Variants in NPSR1 observed in about 807,000 individuals in gnomAD.
The protein encoded by NPSR1 is neuropeptide S receptor 1.
NPSR1 carries 48 observed loss-of-function variants against 46.9 expected under a neutral mutation model. That is an observed-to-expected ratio of 1.02 (90% CI 0.81 to 1.30). The LOEUF (loss-of-function observed/expected upper bound fraction) is 1.30. NPSR1 is among the 50% of genes most tolerant of loss of function. The pLI is 0.00. For missense variants in NPSR1, 450 were observed against 449.5 expected (o/e 1.00, Z -0.01); for synonymous variants, 176 against 168.1 (o/e 1.05, Z -0.36).
intron 8 of NPSR1, among the ~76,000 whole-genome samples, chr7:34,875,614 T>C (rs539352343): frequency 3.6e-3 from 542 of 152,294 alleles, no homozygotes; most frequent in African/African-American, 0.012. Context: ...CGAGCCCCAG[T>C]GCCTCCTGGA....
At chr7:34,792,711 A>ATG (rs1441882811) in intron 3 of NPSR1, among the ~76,000 whole-genome samples, 2 of 126,052 alleles carry the variant, frequency 1.6e-5, no homozygotes, top group Admixed American at 8.8e-5. Context: ...GTATATATAT[A>ATG]TATTTATATA....
chr7:34,863,180 G>A (rs879294223), intron 8 of NPSR1, among the ~76,000 whole-genome samples: 8 of 151,818 alleles, frequency 5.3e-5, no homozygotes, highest in Non-Finnish European at 1.0e-4. Flanking sequence ...CTAGCCATAT[G>A]CAGAAAACTG....
rs186691301 is a variant in NPSR1 at position 34,683,494 on chromosome 7, T to C, written c.148-1058T>C. ...AGAAGGACTGTCAGATTCATAGCATTCTCGCTTTTTTCTTTTTTACTAATT... is the reference window on the plus strand; with the variant it reads ...AGAAGGACTGTCAGATTCATAGCATCCTCGCTTTTTTCTTTTTTACTAATT... On this transcript the variant is annotated intron_variant, in intron 1 of 8. Transcript: ENST00000360581. Among the ~76,000 whole-genome samples, 551 of 152,146 alleles carry C rather than the reference T, an allele frequency of 3.6e-3. 7 individuals carry two copies. The highest frequency in any genetic ancestry group is 6.3e-3 in the Non-Finnish European group (431 of 67,982).
At chr7:34,827,679 C>A in intron 5 of NPSR1, 77 bp downstream of exon 5, 2 of 930,104 alleles carry the variant, frequency 2.2e-6, no homozygotes, top group South Asian at 1.4e-5. Context: ...CTGTTGCTCT[C>A]CTCCCCAACA....
At chr7:34,718,395 AG>A (rs898445048) in intron 2 of NPSR1, among the ~76,000 whole-genome samples, 1 of 152,234 alleles carries the variant, frequency 6.6e-6, no homozygotes, top group African/African-American at 2.4e-5. Context: ...GACAAAGGAC[AG>A]CTCAGGATTG....
At chr7:34,869,105 G>A (rs1289811028) in intron 8 of NPSR1, among the ~76,000 whole-genome samples, 2 of 151,770 alleles carry the variant, frequency 1.3e-5, no homozygotes, top group African/African-American at 4.9e-5. Flanking sequence ...CTGGGGAAAT[G>A]AGTCCCACAA....
chr7:34,696,398 C>G (rs1013485901), intron 2 of NPSR1, among the ~76,000 whole-genome samples: 1 of 152,068 alleles, frequency 6.6e-6, no homozygotes, highest in Non-Finnish European at 1.5e-5. Flanking sequence ...ACTGGAATCA[C>G]AATCTCCACT....
At chr7:34,673,914 T>A (rs1378083940) in intron 1 of NPSR1, among the ~76,000 whole-genome samples, 1 of 152,094 alleles carries the variant, frequency 6.6e-6, no homozygotes, top group African/African-American at 2.4e-5. Flanking sequence ...GGTAAAGCAG[T>A]TAGAAAACGT....
At chr7:34,793,647 T>C (rs1444551072) in intron 3 of NPSR1, among the ~76,000 whole-genome samples, 3 of 152,102 alleles carry the variant, frequency 2.0e-5, no homozygotes, top group African/African-American at 7.2e-5. Context: ...ACAGTCACTA[T>C]AAAAACAGTA....
chr7:34,797,634 T>G (rs2128746234), intron 3 of NPSR1, among the ~76,000 whole-genome samples: 1 of 151,926 alleles, frequency 6.6e-6, no homozygotes, highest in Admixed American at 6.5e-5. Context: ...GATGAAAAAT[T>G]TTCTAAATTA....
At chr7:34,865,743 T>C (rs1791298943) in intron 8 of NPSR1, among the ~76,000 whole-genome samples, 1 of 151,772 alleles carries the variant, frequency 6.6e-6, no homozygotes, top group African/African-American at 2.4e-5. Flanking sequence ...GCCAGTCACA[T>C]GGTCCCCTTT....
chr7:34,762,826 A>G (rs1786240322), intron 2 of NPSR1, among the ~76,000 whole-genome samples: 1 of 152,212 alleles, frequency 6.6e-6, no homozygotes, highest in Non-Finnish European at 1.5e-5. Flanking sequence ...TTGTGTTTAT[A>G]TTCAATATCT....
At chr7:34,767,362 A>C (rs1786482569) in intron 2 of NPSR1, among the ~76,000 whole-genome samples, 2 of 152,348 alleles carry the variant, frequency 1.3e-5, no homozygotes, top group Admixed American at 1.3e-4. Context: ...TAAAGTTTCC[A>C]GGGGAAAAAA....
At chr7:34,859,962 G>A (rs1394077706) in intron 8 of NPSR1, among the ~76,000 whole-genome samples, 1 of 151,698 alleles carries the variant, frequency 6.6e-6, no homozygotes, top group African/African-American at 2.4e-5. Flanking sequence ...TGGTCCAACT[G>A]GAACACGAAT....
chr7:34,848,438 T>C, intron 7 of NPSR1, 45 bp from the exon 8 acceptor site: 1 of 1,586,522 alleles, frequency 6.3e-7, no homozygotes, highest in East Asian at 2.2e-5. Context: ...AAGAGACCCC[T>C]CAACTGCTAC....
chr7:34,805,500 AACTT>A (rs1344818901), intron 3 of NPSR1, among the ~76,000 whole-genome samples: 2 of 151,116 alleles, frequency 1.3e-5, no homozygotes, highest in African/African-American at 2.4e-5. Context: ...AAAAAAAAAA[AACTT>A]AATGTAGACC....
intron 2 of NPSR1, among the ~76,000 whole-genome samples, chr7:34,722,140 G>A (rs1414370936): frequency 6.6e-6 from 1 of 152,034 alleles, no homozygotes; most frequent in African/African-American, 2.4e-5. Context: ...TTAAGGATGG[G>A]TATAATAGTT....
intron 2 of NPSR1, among the ~76,000 whole-genome samples, chr7:34,685,293 T>C (rs1200136162): frequency 6.6e-6 from 1 of 152,192 alleles, no homozygotes; most frequent in African/African-American, 2.4e-5. Context: ...GAAAATGATC[T>C]GTGAAAGTTA....
At chr7:34,846,590 A>G (rs1161412272) in intron 7 of NPSR1, among the ~76,000 whole-genome samples, 1 of 152,208 alleles carries the variant, frequency 6.6e-6, no homozygotes, top group African/African-American at 2.4e-5. Context: ...ATAATGAAGT[A>G]GTCACACCTA....
Sources: gnomAD v4.1 joint callset for allele counts (sites outside exome capture counted in the v4.1 genomes callset) on GRCh38, gnomAD v4.1.1 for gene constraint, MANE v1.5 for transcripts, NCBI Gene and HGNC (gene_info 2026-07-23, HGNC 2026-07-21) for gene names.